Variants in SNTB2 observed in about 807,000 individuals in gnomAD.
SNTB2 encodes beta-2-syntrophin.
In SNTB2, 34 loss-of-function variants were observed where a neutral mutation model predicts 46.2. That is an observed-to-expected ratio of 0.74 (90% CI 0.56 to 0.98). SNTB2 has a LOEUF of 0.98. SNTB2 is among the 50% of genes least tolerant of loss of function. The pLI is 0.00. For synonymous variants in SNTB2, 290 were observed against 312.6 expected, an observed-to-expected ratio of 0.93 and a Z score of 0.76; for missense variants, 603 against 731.4, an observed-to-expected ratio of 0.82 and a Z score of 2.02.
chr16:69,228,505 C>CAAAAA (rs778681180), intron 1 of SNTB2, among the ~76,000 whole-genome samples: 6 of 50,156 alleles, frequency 1.2e-4, no homozygotes, highest in Non-Finnish European at 2.1e-4. Context: ...GACTCTATCT[C>CAAAAA]AAAAAAAAAA....
intron 1 of SNTB2, among the ~76,000 whole-genome samples, chr16:69,187,962 G>A (rs551819531): frequency 7.2e-5 from 11 of 152,214 alleles, no homozygotes; most frequent in African/African-American, 2.6e-4. Context: ...GGGAAGACTC[G>A]GCTGAGATTG....
At chr16:69,272,579 G>A (rs1246237928) in intron 4 of SNTB2, among the ~76,000 whole-genome samples, 7 of 146,902 alleles carry the variant, frequency 4.8e-5, no homozygotes, top group Non-Finnish European at 1.0e-4. Flanking sequence ...TTCCAAGTCA[G>A]TAATGAAAAG....
intron 4 of SNTB2, among the ~76,000 whole-genome samples, chr16:69,271,539 A>G (rs889374252): frequency 4.6e-5 from 7 of 152,232 alleles, no homozygotes; most frequent in African/African-American, 1.7e-4. Context: ...GAATTAAATT[A>G]TTTACTTAAG....
Position 69,299,744 on chromosome 16 carries a change from C to T in SNTB2, c.1500C>T (p.Tyr500=). 6.2e-7 allele frequency: 1 copy of T among 1,614,152 alleles called. No homozygotes were observed. Among genetic ancestry groups the T allele is most frequent in the Non-Finnish European group, 8.5e-7 (1 of 1,180,020 alleles). Residue 500 remains tyrosine, a synonymous_variant, in exon 6 of 7, where the codon TAC becomes TAT. Transcript: ENST00000336278. ...MSADDGIRNL[Y]LDFGGPEGEL... ...CTGATGATGGCATCCGAAATCTATA[C>T]TTGGATTTTGGTGGTCCCGAGGGAG... is the stretch of plus-strand genomic sequence containing the variant.
chr16:69,224,275 G>A (rs568840151), intron 1 of SNTB2, among the ~76,000 whole-genome samples: 79 of 144,364 alleles, frequency 5.5e-4, no homozygotes, highest in African/African-American at 1.9e-3. Flanking sequence ...GCAGTGGTGC[G>A]ATCTTGGCTC....
At chr16:69,244,907 G>A (rs991793154) in intron 1 of SNTB2, among the ~76,000 whole-genome samples, 1 of 152,198 alleles carries the variant, frequency 6.6e-6, no homozygotes, top group African/African-American at 2.4e-5. Context: ...CCAACACTTG[G>A]TAGGTAGCTA....
At chr16:69,240,067 C>T (rs936041268) in intron 1 of SNTB2, among the ~76,000 whole-genome samples, 3 of 152,060 alleles carry the variant, frequency 2.0e-5, no homozygotes, top group Admixed American at 6.6e-5. Flanking sequence ...GTGGTACTTA[C>T]GAATAGAGCT....
intron 5 of SNTB2, among the ~76,000 whole-genome samples, chr16:69,286,197 G>A (rs1376229405): frequency 6.6e-6 from 1 of 152,160 alleles, no homozygotes; most frequent in African/African-American, 2.4e-5. Context: ...GCTATTCTCT[G>A]GTCTTAGCTT....
intron 1 of SNTB2, among the ~76,000 whole-genome samples, chr16:69,203,298 G>A (rs563948642): frequency 6.6e-6 from 1 of 150,494 alleles, no homozygotes; most frequent in African/African-American, 2.4e-5. Flanking sequence ...GATTACAGGC[G>A]TGAGCCACTG....
chr16:69,245,019 G>A (rs144769028), intron 1 of SNTB2, among the ~76,000 whole-genome samples: 7 of 152,330 alleles, frequency 4.6e-5, no homozygotes, highest in Admixed American at 2.0e-4. Flanking sequence ...GAGTTCTCAT[G>A]TAGAAGAGAG....
chr16:69,238,203 G>A (rs540678064), intron 1 of SNTB2, among the ~76,000 whole-genome samples: 23 of 152,276 alleles, frequency 1.5e-4, no homozygotes, highest in African/African-American at 5.5e-4. Flanking sequence ...TGAGGTTGGA[G>A]CATTTATCCC....
At chr16:69,284,376 A>G (rs771780771) in intron 5 of SNTB2, 132 bp downstream of exon 5, 6 of 544,562 alleles carry the variant, frequency 1.1e-5, no homozygotes, top group Non-Finnish European at 1.7e-5. Context: ...ATACTACTAT[A>G]TTTTTACTAT....
rs922981466 is a variant in SNTB2, at chr16:69,265,109, TGTG to T, written c.1005+4854_1005+4856del. Among the ~76,000 whole-genome samples the T allele has an allele frequency of 1.1e-4, 16 of 151,716 alleles. No individual in the cohort carries two copies. In the East Asian group the frequency reaches 3.1e-3, roughly 30 times the overall value. On this transcript the variant is annotated intron_variant, in intron 3 of 6. Coordinates refer to ENST00000336278, the MANE Select transcript of SNTB2 (RefSeq NM_006750.4). Reference sequence around the variant, plus strand: ...CTAAAAATACAAAAAATTAGCTGGGTGTGGTGGCGGGCGCCTGTACTCCCAGCT... The same window carrying T: ...CTAAAAATACAAAAAATTAGCTGGGTGTGGCGGGCGCCTGTACTCCCAGCT...
Position 69,262,758 on chromosome 16 carries a change from C to T in SNTB2, c.1005+2498C>T, listed in dbSNP as rs1011187028. ...GTGGTGCGATCTCAGCTCACTGCAACCTCTGCCTCCCAAGTTCAAGCGATT... is the reference window on the plus strand; with the variant it reads ...GTGGTGCGATCTCAGCTCACTGCAATCTCTGCCTCCCAAGTTCAAGCGATT... On this transcript the variant is annotated intron_variant, in intron 3 of 6. Coordinates refer to ENST00000336278, the MANE Select transcript of SNTB2 (RefSeq NM_006750.4). 2.6e-5 allele frequency among the ~76,000 whole-genome samples: 4 copies of T among 151,978 alleles called. No homozygotes were observed. In the East Asian group the frequency reaches 7.7e-4, roughly 29 times the overall value.
At chr16:69,238,694 GA>G (rs1964580909) in intron 1 of SNTB2, among the ~76,000 whole-genome samples, 1 of 151,916 alleles carries the variant, frequency 6.6e-6, no homozygotes, top group Non-Finnish European at 1.5e-5. Context: ...CCTTGTTCGG[GA>G]CAAAAATCTT....
chr16:69,193,001 G>A lies in SNTB2; in HGVS notation c.580+5255G>A, dbSNP rs566766188. ...TTCGGACCCTCTTGCTTTAAAATTT[G>A]TAAGTTATCTTGAATGTGTTATGGA... On this transcript the variant is annotated intron_variant, in intron 1 of 6. Coordinates refer to ENST00000336278, the MANE Select transcript of SNTB2 (RefSeq NM_006750.4). Among the ~76,000 whole-genome samples the A allele has an allele frequency of 1.7e-4, 26 of 152,120 alleles. 1 individual carries two copies. In the East Asian group the frequency reaches 4.8e-3, roughly 28 times the overall value.
intron 1 of SNTB2, among the ~76,000 whole-genome samples, chr16:69,205,428 G>A (rs1964207248): frequency 6.6e-6 from 1 of 150,458 alleles, no homozygotes; most frequent in African/African-American, 2.5e-5. Context: ...TCAAACTCTT[G>A]ACCTTGTGAT....
intron 2 of SNTB2, among the ~76,000 whole-genome samples, chr16:69,257,015 C>G (rs1964783292): frequency 6.6e-6 from 1 of 151,822 alleles, no homozygotes; most frequent in African/African-American, 2.4e-5. Context: ...ACTAAAAATA[C>G]AAAAAATTAG....
intron 1 of SNTB2, among the ~76,000 whole-genome samples, chr16:69,226,366 C>T (rs571703950): frequency 1.1e-4 from 17 of 151,298 alleles, no homozygotes; most frequent in Non-Finnish European, 1.8e-4. Flanking sequence ...CCACCATGCC[C>T]ACCCTATGAT....
Sources: allele counts gnomAD v4.1 joint callset (sites outside exome capture counted in the v4.1 genomes callset), GRCh38; gene constraint gnomAD v4.1.1; transcripts MANE v1.5; gene names NCBI Gene and HGNC (gene_info 2026-07-23, HGNC 2026-07-21).